Variants in MYRF observed in about 807,000 individuals in gnomAD.
MYRF encodes myelin gene regulatory factor.
A neutral mutation model predicts 126.3 loss-of-function variants in MYRF; 16 were observed. The observed-to-expected ratio is 0.13, with a 90% CI of 0.09 to 0.19. The LOEUF is 0.19. MYRF is among the 10% of genes least tolerant of loss of function. The pLI, the probability that MYRF is intolerant of heterozygous loss-of-function variation, is 1.00. For missense variants in MYRF, 1,104 were observed against 1,547.0 expected, an observed-to-expected ratio of 0.71 and a Z score of 4.80; for synonymous variants, 608 against 635.3, an observed-to-expected ratio of 0.96 and a Z score of 0.65.
Position 61,783,339 on chromosome 11 carries a change from AAGGGTGT to A in MYRF, c.3017-156_3017-150del. 1 of 629,680 alleles carries A rather than the reference AAGGGTGT, an allele frequency of 1.6e-6. No homozygotes were observed. The highest frequency in any genetic ancestry group is 2.9e-6 in the Non-Finnish European group (1 of 347,572). The allele number at this position is 629,680 out of a possible 1,614,324, so 39.0% of individuals were successfully genotyped here. A position where few individuals can be genotyped will look rare whatever the true frequency, so the allele number is the denominator to read the frequency against. ...TGGGTAGTCCTAGGGCTGCTGAGGA[AAGGGTGT>A]AGTGTGATGCTGGCCATTGTGGAGG... On this transcript the variant is annotated intron_variant, in intron 22 of 26. Coordinates refer to ENST00000278836, the MANE Select transcript of MYRF (RefSeq NM_001127392.3). The surrounding 1 kb of genome is among the most constrained non-coding windows in gnomAD (Gnocchi z 4.6).
At chr11:61,780,662 T>C (rs750421683) in intron 18 of MYRF, 50 bp from the exon 19 acceptor site, 37 of 1,521,742 alleles carry the variant, frequency 2.4e-5, no homozygotes, top group Non-Finnish European at 3.3e-5. Context: ...GTGTCTTCTC[T>C]TCTCTTCCCC....
chr11:61,785,576 G>A, intron 25 of MYRF: 1 of 577,038 alleles, frequency 1.7e-6, no homozygotes, highest in East Asian at 2.9e-5. Flanking sequence ...GGGCCAGGTG[G>A]AGGTGGCTGT....
chr11:61,779,260 C>T lies in MYRF; in HGVS notation c.2014-3C>T. 1 of 1,540,752 alleles carries T rather than the reference C, an allele frequency of 6.5e-7. No homozygotes were observed. Among genetic ancestry groups the T allele is most frequent in the Non-Finnish European group, 8.7e-7 (1 of 1,146,616 alleles). ...ATGGCCCATGGCCCATGGCCCATGGCAGGAGCGCATCTTCATGGAGAACGT... is the reference window on the plus strand; with the variant it reads ...ATGGCCCATGGCCCATGGCCCATGGTAGGAGCGCATCTTCATGGAGAACGT... On this transcript the variant is annotated splice_region_variant and splice_polypyrimidine_tract_variant and intron_variant, in intron 14 of 26. Transcript: ENST00000278836.
rs113837576 is a variant in MYRF, at chr11:61,769,486, G to C, written c.460+165G>C. Among the ~76,000 whole-genome samples the C allele has an allele frequency of 2.0e-3, 309 of 152,318 alleles. 1 individual carries two copies. The highest frequency in any genetic ancestry group is 6.9e-3 in the African/African-American group (288 of 41,566). On this transcript the variant is annotated intron_variant, in intron 4 of 26. Transcript: ENST00000278836. ...GCGCTTGGCTATTGTTTCCCCACGG[G>C]CGGGTGGGGAGCCTGGCCCTGCCTC... is the stretch of plus-strand genomic sequence containing the variant.
intron 17 of MYRF, 39 bp from the exon 18 acceptor site, chr11:61,780,183 G>A (rs757823887): frequency 6.2e-7 from 1 of 1,608,498 alleles, no homozygotes. Context: ...ACTGGATGGT[G>A]GCTCCAGCTC....
rs1202945980 is a variant in MYRF at position 61,757,210 on chromosome 11, G to A, written c.46+4420G>A. ...CCTTCAGCCCCGGCTGCCACGGGGT[G>A]TGGGTACCTCTTGGTTGGGTCTCGG... On this transcript the variant is annotated intron_variant, in intron 1 of 26. Transcript: ENST00000278836. The surrounding 1 kb of genome is among the most constrained non-coding windows in gnomAD (Gnocchi z 4.7). 2.2e-6 allele frequency: 1 copy of A among 456,916 alleles called. No individual in the cohort carries two copies. The allele number at this position is 456,916 out of a possible 1,614,324, so 28.3% of individuals were successfully genotyped here.
chr11:61,776,184 G>A lies in MYRF; in HGVS notation c.1388+52G>A, dbSNP rs1335906925. 3.7e-6 allele frequency: 6 copies of A among 1,606,898 alleles called. No individual in the cohort carries two copies. The highest frequency in any genetic ancestry group is 5.1e-6 in the Non-Finnish European group (6 of 1,173,622). ...GTACCTAGAAGGGTCCACAACTAAA[G>A]CTGGCTTGGGAATGGAGGGGCCAGG... On this transcript the variant is annotated intron_variant, in intron 9 of 26. Coordinates refer to ENST00000278836, the MANE Select transcript of MYRF (RefSeq NM_001127392.3). This position sits in a 1 kb window ranked among gnomAD's most constrained non-coding sequence, Gnocchi z 4.3.
chr11:61,773,418 G>A (rs554187911), intron 7 of MYRF, among the ~76,000 whole-genome samples: 8 of 152,326 alleles, frequency 5.3e-5, no homozygotes, highest in Non-Finnish European at 1.2e-4. Context: ...CCCTCCCCGG[G>A]CAGACGGAGG....
chr11:61,783,339 A>C lies in MYRF; in HGVS notation c.3017-159A>C. On this transcript the variant is annotated intron_variant, in intron 22 of 26. Coordinates refer to ENST00000278836, the MANE Select transcript of MYRF (RefSeq NM_001127392.3). This position sits in a 1 kb window ranked among gnomAD's most constrained non-coding sequence, Gnocchi z 4.6. Reference sequence around the variant, plus strand: ...TGGGTAGTCCTAGGGCTGCTGAGGAAAGGGTGTAGTGTGATGCTGGCCATT... The same window carrying C: ...TGGGTAGTCCTAGGGCTGCTGAGGACAGGGTGTAGTGTGATGCTGGCCATT... The C allele has an allele frequency of 3.2e-6, 2 of 629,674 alleles. No individual in the cohort carries two copies. The highest frequency in any genetic ancestry group is 5.8e-6 in the Non-Finnish European group (2 of 347,566). 39.0% of individuals were successfully genotyped at this position (629,674 alleles called of 1,614,324 possible).
rs750353670 is a variant in MYRF, at chr11:61,779,881, C to T, written c.2287C>T (p.Arg763Cys). The T allele has an allele frequency of 9.3e-6, 15 of 1,614,056 alleles. No homozygotes were observed. Among genetic ancestry groups the T allele is most frequent in the African/African-American group, 2.7e-5 (2 of 74,942 alleles). Reference sequence around the variant, plus strand: ...TCCGGACCAGGCCTGCATCAGCCAGCGCTTCCTGCAGGGAACCATCATTGC... The same window carrying T: ...TCCGGACCAGGCCTGCATCAGCCAGTGCTTCCTGCAGGGAACCATCATTGC... ...VVPDQACISQRFLQGTIIALV... is the reference protein window; with the variant it reads ...VVPDQACISQCFLQGTIIALV... The change falls in exon 17 of 27, where the codon CGC becomes TGC. Residue 763 changes from arginine to cysteine, a missense_variant. This residue lies in a region of MYRF where 323 missense variants were observed against 383.1 expected (regional missense o/e 0.84). Transcript: ENST00000278836.
intron 1 of MYRF, among the ~76,000 whole-genome samples, chr11:61,765,084 G>A (rs2135740929): frequency 6.6e-6 from 1 of 152,320 alleles, no homozygotes; most frequent in South Asian, 2.1e-4. Flanking sequence ...CAGGATATAT[G>A]GTCCCACTCA....
At chr11:61,782,109 T>A in intron 22 of MYRF, 1 of 362,940 alleles carries the variant, frequency 2.8e-6, no homozygotes, top group Non-Finnish European at 4.9e-6. Flanking sequence ...ATACAGCCCC[T>A]CCGAGGCAGG....
chr11:61,770,818 G>C (rs750646875), intron 5 of MYRF, among the ~76,000 whole-genome samples: 13 of 152,178 alleles, frequency 8.5e-5, no homozygotes, highest in Non-Finnish European at 2.9e-5. Context: ...GCCAGGGGCA[G>C]AGCCAGGACT....
At chr11:61,758,482 G>A (rs1035683998) in intron 1 of MYRF, among the ~76,000 whole-genome samples, 4 of 152,166 alleles carry the variant, frequency 2.6e-5, no homozygotes, top group Non-Finnish European at 4.4e-5. Flanking sequence ...GACAGCAGGC[G>A]GGGAGGGGGC....
At chr11:61,762,781 C>T (rs1302013285) in intron 1 of MYRF, among the ~76,000 whole-genome samples, 2 of 152,160 alleles carry the variant, frequency 1.3e-5, no homozygotes, top group African/African-American at 4.8e-5. Flanking sequence ...TCAGGAGGCC[C>T]TCCGAGCCCC....
Position 61,777,794 on chromosome 11 carries a change from A to C in MYRF, c.1852A>C (p.Lys618Gln), listed in dbSNP as rs2066428937. Reference sequence around the variant, plus strand: ...CATGCGGCTGGTGCACTACAGATACAAGCCCGAGTTCGCCGCCAGCGCGGG... The same window carrying C: ...CATGCGGCTGGTGCACTACAGATACCAGCCCGAGTTCGCCGCCAGCGCGGG... ...SRMRLVHYRY[K>Q]PEFAASAGIE... The change falls in exon 13 of 27, where the codon AAG becomes CAG. Residue 618 changes from lysine (K) to glutamine (Q), a missense_variant. Lys to Gln is a moderately conservative substitution (Grantham distance 53). Transcript: ENST00000278836. This position sits in a 1 kb window ranked among gnomAD's most constrained non-coding sequence, Gnocchi z 8.8. 1 of 1,552,422 alleles carries C rather than the reference A, an allele frequency of 6.4e-7. No individual in the cohort carries two copies. The highest frequency in any genetic ancestry group is 2.4e-5 in the East Asian group (1 of 40,978).
intron 1 of MYRF, among the ~76,000 whole-genome samples, chr11:61,761,265 G>GGT (rs1555053571): frequency 1.3e-5 from 2 of 151,618 alleles, no homozygotes; most frequent in Non-Finnish European, 1.5e-5. Flanking sequence ...CTGGTGGGGG[G>GGT]GGGGGCACAT....
At position 61,783,059 on chromosome 11, in the gene MYRF, G is replaced by A. The variant is rs1056042869; in HGVS notation, c.3017-439G>A. ...GGTTTGTTCAGGGAGGCTGCGAGGAGCAGCGTGCTGGTAGCGGTGTAATCA... is the reference window on the plus strand; with the variant it reads ...GGTTTGTTCAGGGAGGCTGCGAGGAACAGCGTGCTGGTAGCGGTGTAATCA... On this transcript the variant is annotated intron_variant, in intron 22 of 26. Coordinates refer to ENST00000278836, the MANE Select transcript of MYRF (RefSeq NM_001127392.3). The surrounding 1 kb of genome is among the most constrained non-coding windows in gnomAD (Gnocchi z 4.6). 1.2e-5 allele frequency: 2 copies of A among 160,840 alleles called. No individual in the cohort carries two copies. The highest frequency in any genetic ancestry group is 6.0e-5 in the Admixed American group (1 of 16,784). The allele number at this position is 160,840 out of a possible 1,614,324, so 10.0% of individuals were successfully genotyped here.
At chr11:61,767,578 C>G (rs768176789) in intron 3 of MYRF, 4 of 369,906 alleles carry the variant, frequency 1.1e-5, no homozygotes, top group Admixed American at 3.4e-5. Flanking sequence ...GTAATCCCAG[C>G]ACTTTGGAAG....
Sources: allele counts gnomAD v4.1 joint callset (sites outside exome capture counted in the v4.1 genomes callset), GRCh38; gene constraint gnomAD v4.1.1; regional missense constraint gnomAD v4.1.1; non-coding constraint Gnocchi (gnomAD v3.1); transcripts MANE v1.5; gene names NCBI Gene and HGNC (gene_info 2026-07-23, HGNC 2026-07-21).